Variants in CES4A observed in about 807,000 individuals in gnomAD.
CES4A encodes the protein carboxylesterase 6.
CES4A carries 48 observed loss-of-function variants against 65.4 expected under a neutral mutation model. The ratio of observed to expected loss-of-function variants is 0.73; its 90% CI spans 0.58 to 0.93. The LOEUF (loss-of-function observed/expected upper bound fraction) is 0.93. CES4A is among the 40% of genes least tolerant of loss of function. The pLI, the probability that CES4A is intolerant of heterozygous loss-of-function variation, is 0.00. For synonymous variants in CES4A, 247 were observed against 281.8 expected (o/e 0.88, Z 1.24); for missense variants, 685 against 728.5 (o/e 0.94, Z 0.69).
At chr16:67,006,803 C>A in exon 13 of CES4A, 1 of 1,614,116 alleles carries the variant, frequency 6.2e-7, no homozygotes, top group Non-Finnish European at 8.5e-7. Flanking sequence ...ACTGGGCCAA[C>A]TTTGCCCGCA....
In CES4A at chr16:67,000,720, G is replaced by T. The variant is rs751715764; in HGVS notation, c.343G>T (p.Asp115Tyr). 1.3e-6 allele frequency: 2 copies of T among 1,550,456 alleles called. No individual in the cohort carries two copies. The highest frequency in any genetic ancestry group is 2.4e-5 in the South Asian group (2 of 84,066). The change falls in exon 3 of 14, where the codon GAC becomes TAC. Residue 115 changes from aspartate to tyrosine, a missense_variant. Asp to Tyr is a radical substitution (Grantham distance 160, BLOSUM62 -3). Coordinates refer to ENST00000648724, the Ensembl canonical transcript of CES4A. This position sits in a 1 kb window ranked among gnomAD's most constrained non-coding sequence, Gnocchi z 4.2. Reference sequence around the variant, plus strand: ...GTACAAGTGGCTGCGCTTCAGCGAGGACTGTCTGTACCTGAACGTGTACGC... The same window carrying T: ...GTACAAGTGGCTGCGCTTCAGCGAGTACTGTCTGTACCTGAACGTGTACGC...
intron 2 of CES4A, 55 bp downstream of exon 2, chr16:66,995,884 T>G: frequency 1.3e-6 from 2 of 1,514,240 alleles, no homozygotes; most frequent in Non-Finnish European, 1.8e-6. Flanking sequence ...TGCCTGCATC[T>G]GGGTGGGGCT....
Position 66,990,777 on chromosome 16 carries a change from CTTTT to C in CES4A, c.58+1955_58+1958del, listed in dbSNP as rs776481944. On this transcript the variant is annotated intron_variant, in intron 1 of 13. Transcript: ENST00000648724. Reference sequence around the variant, plus strand: ...CACAATTTTATATTCTGGGGTTTTTCTTTTTTTTTTTAATTTAAGTTATTACCAA... The same window carrying C: ...CACAATTTTATATTCTGGGGTTTTTCTTTTTTTAATTTAAGTTATTACCAA... Among the ~76,000 whole-genome samples the C allele has an allele frequency of 3.5e-5, 5 of 144,720 alleles. No homozygotes were observed. The South Asian group carries it at 8.8e-4, about 26-fold the overall frequency. The allele number at this position is 144,720 out of a possible 152,430, so 94.9% of individuals were successfully genotyped here.
intron 2 of CES4A, among the ~76,000 whole-genome samples, chr16:66,999,060 G>C (rs1965082691): frequency 2.0e-5 from 3 of 152,234 alleles, no homozygotes; most frequent in African/African-American, 4.8e-5. Context: ...AGCTATCAGA[G>C]CCCTGGCTTT....
chr16:66,996,069 C>T (rs775005103), intron 2 of CES4A: 12 of 613,234 alleles, frequency 2.0e-5, no homozygotes, highest in Admixed American at 4.3e-5. Context: ...GATGGAGTCT[C>T]GCTCTGTCGC....
intron 1 of CES4A, among the ~76,000 whole-genome samples, chr16:66,994,021 A>G (rs947330078): frequency 6.6e-6 from 1 of 151,408 alleles, no homozygotes; most frequent in Non-Finnish European, 1.5e-5. Flanking sequence ...GAATGGCATG[A>G]ACCTGGGAGG....
rs755947205 is a variant in CES4A, at chr16:67,003,487, A to C, written c.901-28A>C. On this transcript the variant is annotated intron_variant, in intron 7 of 13. Coordinates refer to ENST00000648724, the Ensembl canonical transcript of CES4A. The surrounding 1 kb of genome is among the most constrained non-coding windows in gnomAD (Gnocchi z 4.2). ...AGAGCACACGAGGGAGACTTCCTTT[A>C]ACTCTGATCCCTTCCTCTCCCCCAT... 13 of 1,611,282 alleles carry C rather than the reference A, an allele frequency of 8.1e-6. No individual in the cohort carries two copies. The South Asian group carries it at 1.3e-4, about 16-fold the overall frequency.
At chr16:66,994,839 CAA>C (rs530758138) in intron 1 of CES4A, among the ~76,000 whole-genome samples, 8 of 126,082 alleles carry the variant, frequency 6.3e-5, no homozygotes, top group Non-Finnish European at 1.7e-5. Context: ...AACTCCATCT[CAA>C]AAAAAAAAAA....
At chr16:67,006,754 T>C (rs369713310) in exon 13 of CES4A, 4 of 1,613,972 alleles carry the variant, frequency 2.5e-6, no homozygotes, top group Non-Finnish European at 3.4e-6. Context: ...GGCCTTTCCA[T>C]GGGTAAGGAG....
intron 1 of CES4A, among the ~76,000 whole-genome samples, chr16:66,993,188 G>A (rs923544934): frequency 3.3e-5 from 5 of 152,330 alleles, no homozygotes; most frequent in African/African-American, 1.2e-4. Context: ...TATGGTGTAA[G>A]TTTGCTTGCA....
At chr16:66,990,170 G>C (rs1964272231) in intron 1 of CES4A, among the ~76,000 whole-genome samples, 1 of 148,650 alleles carries the variant, frequency 6.7e-6, no homozygotes, top group South Asian at 2.1e-4. Flanking sequence ...CCCCACCTCA[G>C]CCTCCCAAGT....
chr16:67,008,759 T>C lies in CES4A; in HGVS notation c.1518-215T>C, dbSNP rs1009418669. On this transcript the variant is annotated intron_variant, in intron 13 of 13. Coordinates refer to ENST00000648724, the Ensembl canonical transcript of CES4A. Reference sequence around the variant, plus strand: ...TGTGCTTCCTCCAAAAGCCTTGGTCTTTTATATCTCTCAACCTGGCACATA... The same window carrying C: ...TGTGCTTCCTCCAAAAGCCTTGGTCCTTTATATCTCTCAACCTGGCACATA... 3.2e-5 allele frequency: 17 copies of C among 529,026 alleles called. 1 individual carries two copies. The highest frequency in any genetic ancestry group is 3.3e-6 in the Non-Finnish European group (1 of 299,018). 32.8% of individuals were successfully genotyped at this position (529,026 alleles called of 1,614,324 possible). A position where few individuals can be genotyped will look rare whatever the true frequency, so the allele number is the denominator to read the frequency against.
chr16:66,991,846 T>C (rs1464257630), intron 1 of CES4A, among the ~76,000 whole-genome samples: 2 of 152,106 alleles, frequency 1.3e-5, no homozygotes, highest in African/African-American at 2.4e-5. Context: ...GGCTCATGCA[T>C]GCCTGTACTC....
chr16:66,998,669 C>T (rs1448382773), intron 2 of CES4A, among the ~76,000 whole-genome samples: 1 of 152,008 alleles, frequency 6.6e-6, no homozygotes, highest in Non-Finnish European at 1.5e-5. Flanking sequence ...GAGTTCGAGA[C>T]CAGCCTGACC....
At chr16:67,008,867 C>T in intron 13 of CES4A, 107 bp from the exon 14 acceptor site, 1 of 1,128,518 alleles carries the variant, frequency 8.9e-7, no homozygotes, top group Non-Finnish European at 1.3e-6. Context: ...TCCGTAAAGC[C>T]CTCTGGAACC....
chr16:67,001,670 C>CTG lies in CES4A; in HGVS notation c.690+209_690+210insTG. 6.6e-6 allele frequency among the ~76,000 whole-genome samples: 1 copy of CTG among 152,364 alleles called. No homozygotes were observed. Among genetic ancestry groups the CTG allele is most frequent in the East Asian group, 1.9e-4 (1 of 5,186 alleles). ...TAGCACTGATGAGAAAACTGAGCCC[C>CTG]AGGAAGGGTAGTGCTGAGGCTTGGG... On this transcript the variant is annotated intron_variant, in intron 5 of 13. Coordinates refer to ENST00000648724, the Ensembl canonical transcript of CES4A. This position sits in a 1 kb window ranked among gnomAD's most constrained non-coding sequence, Gnocchi z 4.1.
At chr16:67,006,688 G>A in intron 12 of CES4A, 57 bp from the exon 13 acceptor site, 2 of 1,565,820 alleles carry the variant, frequency 1.3e-6, no homozygotes, top group Non-Finnish European at 1.8e-6. Flanking sequence ...CAGGAGTAGG[G>A]TGGGAGGTCA....
chr16:67,002,877 C>T (rs538074629), intron 5 of CES4A, among the ~76,000 whole-genome samples, 193 bp from the exon 6 acceptor site: 36 of 152,216 alleles, frequency 2.4e-4, no homozygotes, highest in South Asian at 6.2e-4. Context: ...CTGGGGCCCA[C>T]TGTACAGACC....
At position 67,003,909 on chromosome 16, in the gene CES4A, C is replaced by G. The variant is rs1186641042; in HGVS notation, c.940-175C>G. On this transcript the variant is annotated intron_variant, in intron 8 of 13. Transcript: ENST00000648724. This position sits in a 1 kb window ranked among gnomAD's most constrained non-coding sequence, Gnocchi z 4.2. The stretch of plus-strand genomic sequence containing the variant: ...CCATCCCAAGTCCACGTAATTTGGT[C>G]CTGCCTATCCTGCTCCCCTCCCACA... Among the ~76,000 whole-genome samples, 5 of 152,118 alleles carry G rather than the reference C, an allele frequency of 3.3e-5. No homozygotes were observed. The highest frequency in any genetic ancestry group is 7.4e-5 in the Non-Finnish European group (5 of 68,026).
Sources: gnomAD v4.1 joint callset for allele counts (sites outside exome capture counted in the v4.1 genomes callset) on GRCh38, gnomAD v4.1.1 for gene constraint, Gnocchi (gnomAD v3.1) non-coding constraint, MANE v1.5 for transcripts, NCBI Gene and HGNC (gene_info 2026-07-23, HGNC 2026-07-21) for gene names.